The following DPY19L3 variants were observed in gnomAD, a reference collection of about 807,000 sequenced individuals.
DPY19L3 encodes the protein protein C-mannosyl-transferase DPY19L3.
Under a neutral mutation model 92.3 loss-of-function variants are expected in DPY19L3, and 51 were observed. That is an observed-to-expected ratio of 0.55 (90% CI 0.44 to 0.70). The LOEUF (loss-of-function observed/expected upper bound fraction) is 0.70, where lower values mean the gene tolerates loss of function less well. Ranked by LOEUF, DPY19L3 falls within the 30% of genes least tolerant of loss-of-function variation. DPY19L3 has a pLI of 0.00. For missense variants in DPY19L3, 706 were observed against 855.9 expected, an observed-to-expected ratio of 0.82 and a Z score of 2.18; for synonymous variants, 309 against 315.2, an observed-to-expected ratio of 0.98 and a Z score of 0.21.
intron 16 of DPY19L3, among the ~76,000 whole-genome samples, chr19:32,473,736 C>T (rs1010896348): frequency 2.0e-5 from 3 of 152,220 alleles, no homozygotes; most frequent in African/African-American, 7.2e-5. Flanking sequence ...AGCCACATGG[C>T]ATGGAGGGAA....
At chr19:32,481,129 G>C (rs188686698) in intron 18 of DPY19L3, 85 of 209,672 alleles carry the variant, frequency 4.1e-4, no homozygotes, top group Admixed American at 2.0e-3. Context: ...TGTTCTTGGA[G>C]CTATGCCAGG....
chr19:32,445,440 C>CAAAAAAAAG (rs1555721485), intron 8 of DPY19L3, among the ~76,000 whole-genome samples: 1 of 42,824 alleles, frequency 2.3e-5, no homozygotes, highest in Non-Finnish European at 3.7e-5. Flanking sequence ...GACTTCATCT[C>CAAAAAAAAG]AAAAAAAAAA....
At chr19:32,447,816 T>TAGGA (rs1555721982) in intron 8 of DPY19L3, among the ~76,000 whole-genome samples, 1 of 89,834 alleles carries the variant, frequency 1.1e-5, no homozygotes, top group East Asian at 2.8e-4. Flanking sequence ...GATAGATAGA[T>TAGGA]TAGATAGATA....
rs891108107 is a variant in DPY19L3, at chr19:32,443,417, G to A, written c.855+3507G>A. On this transcript the variant is annotated intron_variant, in intron 8 of 18. Transcript: ENST00000392250. ...CAAATCCCCAAGGTGATTGTATTAG[G>A]AGGTAGGTAGGGCCTTTTAGAAGGT... is the stretch of plus-strand genomic sequence containing the variant. Among the ~76,000 whole-genome samples, 3 of 152,172 alleles carry A rather than the reference G, an allele frequency of 2.0e-5. No homozygotes were observed. The South Asian group carries it at 6.2e-4, about 31-fold the overall frequency.
At chr19:32,428,832 G>GTT (rs756304557) in intron 3 of DPY19L3, among the ~76,000 whole-genome samples, 7 of 129,020 alleles carry the variant, frequency 5.4e-5, no homozygotes, top group Admixed American at 1.5e-4. Flanking sequence ...TTTTTTTTTT[G>GTT]TTTTTTTTCT....
In DPY19L3 at chr19:32,439,121, C is replaced by T. The variant is rs755035731; in HGVS notation, c.606C>T (p.Thr202=). The T allele has an allele frequency of 1.9e-6, 3 of 1,612,122 alleles. No individual in the cohort carries two copies. The highest frequency in any genetic ancestry group is 2.5e-6 in the Non-Finnish European group (3 of 1,178,872). ...AFWYVTNRID[T]TRVEFTIPLR... Reference sequence around the variant, plus strand: ...GTTTTCTTTTGTGCAGAATAGATACCACAAGAGTTGAGTTTACCATCCCAC... The same window carrying T: ...GTTTTCTTTTGTGCAGAATAGATACTACAAGAGTTGAGTTTACCATCCCAC... Residue 202 remains threonine, a synonymous_variant, in exon 7 of 19, where the codon ACC becomes ACT. Coordinates refer to ENST00000392250, the MANE Select transcript of DPY19L3 (RefSeq NM_001172774.2).
intron 16 of DPY19L3, among the ~76,000 whole-genome samples, chr19:32,470,448 T>A (rs1023583755): frequency 1.3e-5 from 2 of 152,142 alleles, no homozygotes; most frequent in African/African-American, 4.8e-5. Context: ...GTCTTCCGGA[T>A]CTCCTTAGAT....
rs756532547 is a variant in DPY19L3, at chr19:32,453,125, C to T, written c.856-20C>T. ...CTCTTGGTAAAATGTCTGTACTCAT[C>T]TAATCTTTGGTTCTTGCAGGCGACA... On this transcript the variant is annotated intron_variant, in intron 8 of 18. Transcript: ENST00000392250. 6.2e-7 allele frequency: 1 copy of T among 1,613,566 alleles called. No individual in the cohort carries two copies. Among genetic ancestry groups the T allele is most frequent in the East Asian group, 2.2e-5 (1 of 44,836 alleles).
intron 3 of DPY19L3, among the ~76,000 whole-genome samples, chr19:32,424,431 C>A (rs943021307): frequency 6.6e-6 from 1 of 151,844 alleles, no homozygotes; most frequent in Admixed American, 6.6e-5. Context: ...GACACACAAG[C>A]CTGGGCAACA....
chr19:32,427,284 C>T (rs1002300005), intron 3 of DPY19L3, among the ~76,000 whole-genome samples: 5 of 152,124 alleles, frequency 3.3e-5, no homozygotes, highest in African/African-American at 1.2e-4. Context: ...CGTGAGCCAC[C>T]GCACCCCCGC....
At chr19:32,419,356 T>C (rs1299869719) in intron 3 of DPY19L3, among the ~76,000 whole-genome samples, 1 of 151,892 alleles carries the variant, frequency 6.6e-6, no homozygotes, top group Non-Finnish European at 1.5e-5. Flanking sequence ...AGAGACGGAG[T>C]TTCACAGTGT....
chr19:32,406,081 G>A (rs1967932454), intron 1 of DPY19L3, 172 bp downstream of exon 1: 1 of 151,754 alleles, frequency 6.6e-6, no homozygotes, highest in Admixed American at 6.6e-5. Flanking sequence ...CGGAGCGCGG[G>A]AGTGTCTGCC....
At chr19:32,433,558 T>C (rs8111233) in intron 4 of DPY19L3, among the ~76,000 whole-genome samples, 134,856 of 152,132 alleles carry the variant, frequency 0.89, 60,043 homozygotes, top group African/African-American at 0.97. Flanking sequence ...GCTGGGACTA[T>C]GGGTGTGCAC....
chr19:32,427,101 C>T (rs780439728), intron 3 of DPY19L3, among the ~76,000 whole-genome samples: 9 of 152,148 alleles, frequency 5.9e-5, no homozygotes, highest in Non-Finnish European at 1.0e-4. Context: ...TCAGGTGATT[C>T]TCCCACTGCA....
rs1970730327 is a variant in DPY19L3 at position 32,483,634 on chromosome 19, A to C, written c.*1394A>C. On this transcript the variant is annotated 3_prime_UTR_variant, in exon 19 of 19. Transcript: ENST00000392250. ...AGTTGCTACTTATAAAGCAGCATTC[A>C]AAAAGTCTTTTACACTGTCATGTTG... 6.6e-6 allele frequency: 1 copy of C among 152,312 alleles called. No homozygotes were observed. Among genetic ancestry groups the C allele is most frequent in the Non-Finnish European group, 1.5e-5 (1 of 68,040 alleles). The allele number at this position is 152,312 out of a possible 1,614,324, so 9.4% of individuals were successfully genotyped here. A position where few individuals can be genotyped will look rare whatever the true frequency, so the allele number is the denominator to read the frequency against.
At chr19:32,407,020 G>A (rs1156966576) in intron 1 of DPY19L3, among the ~76,000 whole-genome samples, 2 of 143,468 alleles carry the variant, frequency 1.4e-5, no homozygotes, top group African/African-American at 5.2e-5. Flanking sequence ...TTTTTTTTTG[G>A]TATGAATGAA....
intron 12 of DPY19L3, among the ~76,000 whole-genome samples, chr19:32,461,111 C>T (rs1175298545): frequency 6.6e-6 from 1 of 152,224 alleles, no homozygotes; most frequent in Non-Finnish European, 1.5e-5. Flanking sequence ...AGTGATCTGC[C>T]TGCCTCAGCC....
chr19:32,432,303 A>G (rs1350561492), intron 3 of DPY19L3, among the ~76,000 whole-genome samples: 1 of 152,178 alleles, frequency 6.6e-6, no homozygotes, highest in Admixed American at 6.5e-5. Context: ...TGTCTGCCTT[A>G]TTTGACTACA....
chr19:32,467,741 C>T, intron 15 of DPY19L3: 4 of 985,486 alleles, frequency 4.1e-6, no homozygotes, highest in Non-Finnish European at 3.6e-6. Context: ...GTGAATTCTA[C>T]CTTTGACCTT....
Sources: allele counts gnomAD v4.1 joint callset (sites outside exome capture counted in the v4.1 genomes callset), GRCh38; gene constraint gnomAD v4.1.1; transcripts MANE v1.5; gene names NCBI Gene and HGNC (gene_info 2026-07-23, HGNC 2026-07-21).